The following SLC24A2 variants were observed in gnomAD, a reference collection of about 807,000 sequenced individuals.
SLC24A2 encodes solute carrier family 24 member 2.
SLC24A2 carries 36 observed loss-of-function variants against 62.0 expected under a neutral mutation model. That is an observed-to-expected ratio of 0.58 (90% CI 0.44 to 0.77). The LOEUF (loss-of-function observed/expected upper bound fraction) is 0.77, where lower values mean the gene tolerates loss of function less well. SLC24A2 is among the 30% of genes least tolerant of loss of function. SLC24A2 has a pLI of 0.00. For missense variants in SLC24A2, 846 were observed against 817.9 expected (o/e 1.03, Z -0.42); for synonymous variants, 358 against 294.0 (o/e 1.22, Z -2.23).
chr9:20,114,299 G>A, the SLC24A2 span, among the ~76,000 whole-genome samples: 21,586 of 152,044 alleles, frequency 0.14, 1,595 homozygotes, highest in Middle Eastern at 0.27. Flanking sequence ...AAAAGTCTAT[G>A]TTCCCTCTAC....
chr9:19,915,881 T>C, the SLC24A2 span, among the ~76,000 whole-genome samples: 1 of 152,064 alleles, frequency 6.6e-6, no homozygotes, highest in Admixed American at 6.6e-5. Context: ...GGTCATCTTT[T>C]CCCTTTTTTG....
At chr9:19,811,028 G>T in the SLC24A2 span, among the ~76,000 whole-genome samples, 1 of 152,110 alleles carries the variant, frequency 6.6e-6, no homozygotes, top group African/African-American at 2.4e-5. Flanking sequence ...TTTCAAATAA[G>T]TTACGGACTG....
chr9:19,915,953 G>A, the SLC24A2 span, among the ~76,000 whole-genome samples: 1 of 151,770 alleles, frequency 6.6e-6, no homozygotes, highest in Non-Finnish European at 1.5e-5. Flanking sequence ...TGCTTTTGAT[G>A]TCATATTTTA....
the SLC24A2 span, among the ~76,000 whole-genome samples, chr9:20,258,804 C>CTATGTATCT: frequency 1.0e-4 from 13 of 124,348 alleles, no homozygotes; most frequent in African/African-American, 3.6e-4. Context: ...ATCTATCTAT[C>CTATGTATCT]TATCTATCTA....
chr9:19,549,013 G>A (rs1459571428), intron 8 of SLC24A2, among the ~76,000 whole-genome samples: 1 of 152,174 alleles, frequency 6.6e-6, no homozygotes, highest in Admixed American at 6.5e-5. Context: ...CACCTCTGGG[G>A]CAATGGCCCA....
chr9:19,878,404 A>G, the SLC24A2 span, among the ~76,000 whole-genome samples: 1 of 152,224 alleles, frequency 6.6e-6, no homozygotes, highest in Non-Finnish European at 1.5e-5. Flanking sequence ...TTATTACTCC[A>G]TAACATCTTT....
the SLC24A2 span, among the ~76,000 whole-genome samples, chr9:20,234,813 A>C: frequency 6.6e-6 from 1 of 151,996 alleles, no homozygotes; most frequent in Non-Finnish European, 1.5e-5. Flanking sequence ...TGATTTTTAG[A>C]GTGTCCAGTT....
chr9:20,219,998 C>G, the SLC24A2 span, among the ~76,000 whole-genome samples: 3 of 152,104 alleles, frequency 2.0e-5, no homozygotes, highest in Non-Finnish European at 4.4e-5. Context: ...GGCTTCTATG[C>G]TTTGAGAAAG....
At chr9:20,247,650 A>G in the SLC24A2 span, among the ~76,000 whole-genome samples, 1 of 152,192 alleles carries the variant, frequency 6.6e-6, no homozygotes, top group Non-Finnish European at 1.5e-5. Context: ...ACAAATTTCT[A>G]TTGTTGGTTA....
the SLC24A2 span, among the ~76,000 whole-genome samples, chr9:19,918,966 G>C: frequency 6.6e-6 from 1 of 152,150 alleles, no homozygotes; most frequent in Admixed American, 6.5e-5. Context: ...GGGTCATAAG[G>C]TTTCTTCCTC....
At chr9:19,904,462 C>T in the SLC24A2 span, among the ~76,000 whole-genome samples, 1 of 152,054 alleles carries the variant, frequency 6.6e-6, no homozygotes, top group Admixed American at 6.5e-5. Context: ...TGAATTGGAC[C>T]AAGTTTACTA....
At chr9:20,261,896 C>T in the SLC24A2 span, among the ~76,000 whole-genome samples, 3 of 151,990 alleles carry the variant, frequency 2.0e-5, no homozygotes, top group South Asian at 2.1e-4. Context: ...CCCGCCACCA[C>T]GCCTGGCTAG....
At chr9:19,798,200 G>C in the SLC24A2 span, among the ~76,000 whole-genome samples, 3 of 152,102 alleles carry the variant, frequency 2.0e-5, no homozygotes, top group African/African-American at 4.8e-5. Context: ...TGTTTTTAAT[G>C]CTTCATCATT....
chr9:20,216,429 A>T, the SLC24A2 span, among the ~76,000 whole-genome samples: 4 of 152,234 alleles, frequency 2.6e-5, no homozygotes, highest in African/African-American at 9.6e-5. Context: ...TATTTAAGAT[A>T]CTTGTGTTAT....
chr9:20,185,222 A>G, the SLC24A2 span, among the ~76,000 whole-genome samples: 1 of 152,172 alleles, frequency 6.6e-6, no homozygotes. Flanking sequence ...AAAATTACCA[A>G]GTGTTCTCAC....
chr9:19,820,042 CAT>C, the SLC24A2 span, among the ~76,000 whole-genome samples: 51 of 32,876 alleles, frequency 1.6e-3, 3 homozygotes, highest in South Asian at 4.7e-3. Context: ...TATATATATA[CAT>C]ATATATATAT....
intron 7 of SLC24A2, among the ~76,000 whole-genome samples, chr9:19,553,878 G>C (rs1256398075): frequency 6.6e-6 from 1 of 152,212 alleles, no homozygotes; most frequent in African/African-American, 2.4e-5. Flanking sequence ...CGTGGCAAGA[G>C]ACTACTGCTT....
At chr9:20,289,068 A>C in the SLC24A2 span, among the ~76,000 whole-genome samples, 1 of 152,160 alleles carries the variant, frequency 6.6e-6, no homozygotes, top group Non-Finnish European at 1.5e-5. Flanking sequence ...ACCCCAGCTG[A>C]CATTAAGTGA....
the SLC24A2 span, among the ~76,000 whole-genome samples, chr9:19,833,857 G>A: frequency 1.5e-3 from 223 of 152,314 alleles, 1 homozygote; most frequent in African/African-American, 4.9e-3. Flanking sequence ...TCACATGTCC[G>A]GGTACTCCTC....
Sources: gnomAD v4.1 joint callset for allele counts (sites outside exome capture counted in the v4.1 genomes callset) on GRCh38, gnomAD v4.1.1 for gene constraint, MANE v1.5 for transcripts, NCBI Gene and HGNC (gene_info 2026-07-23, HGNC 2026-07-21) for gene names.